The following TP63 variants were observed in gnomAD, a reference collection of about 807,000 sequenced individuals.
TP63 encodes the protein tumor protein 63.
Under a neutral mutation model 82.8 loss-of-function variants are expected in TP63, and 17 were observed. That is an observed-to-expected ratio of 0.21 (90% CI 0.14 to 0.31). TP63 has a LOEUF of 0.31. TP63 is among the 10% of genes least tolerant of loss of function. The pLI is 1.00. For missense variants in TP63, 648 were observed against 895.3 expected (o/e 0.72, Z 3.52); for synonymous variants, 330 against 321.7 (o/e 1.03, Z -0.28).
intron 1 of TP63, among the ~76,000 whole-genome samples, chr3:189,672,743 A>G (rs1201845938): frequency 6.6e-6 from 1 of 152,002 alleles, no homozygotes; most frequent in Non-Finnish European, 1.5e-5. Context: ...AAAGAAGAAG[A>G]GATTAAGACC....
At chr3:189,734,812 C>G (rs1207703059) in intron 1 of TP63, among the ~76,000 whole-genome samples, 1 of 152,156 alleles carries the variant, frequency 6.6e-6, no homozygotes, top group South Asian at 2.1e-4. Context: ...TCCTCTCTAC[C>G]TATGCCTTGA....
chr3:189,767,500 G>A (rs912858554), intron 3 of TP63, among the ~76,000 whole-genome samples: 3 of 152,126 alleles, frequency 2.0e-5, no homozygotes, highest in Admixed American at 2.0e-4. Flanking sequence ...AAATCTGAAT[G>A]GCCAAGAATG....
At chr3:189,843,363 G>T (rs528612828) in intron 4 of TP63, among the ~76,000 whole-genome samples, 1 of 152,200 alleles carries the variant, frequency 6.6e-6, no homozygotes, top group Non-Finnish European at 1.5e-5. Context: ...TGTGGGCGCG[G>T]CCCGGGAAGA....
At chr3:189,705,796 A>G (rs754693192) in intron 1 of TP63, among the ~76,000 whole-genome samples, 4 of 152,208 alleles carry the variant, frequency 2.6e-5, no homozygotes, top group Non-Finnish European at 5.9e-5. Flanking sequence ...AAAGGTAGAA[A>G]GGAACACTGG....
chr3:189,743,502 A>AC (rs1721147911), intron 3 of TP63, among the ~76,000 whole-genome samples: 1 of 141,424 alleles, frequency 7.1e-6, no homozygotes, highest in African/African-American at 2.6e-5. Context: ...CTACAAACAC[A>AC]AACACACACA....
intron 3 of TP63, among the ~76,000 whole-genome samples, chr3:189,783,607 G>C (rs1451095524): frequency 6.6e-6 from 1 of 151,768 alleles, no homozygotes; most frequent in Non-Finnish European, 1.5e-5. Context: ...TATGTTAAAG[G>C]TTTAAACCTT....
intron 1 of TP63, among the ~76,000 whole-genome samples, chr3:189,707,903 T>C (rs1161891001): frequency 6.6e-6 from 1 of 152,202 alleles, no homozygotes; most frequent in Non-Finnish European, 1.5e-5. Flanking sequence ...TATGTGGCAT[T>C]GTACATTGCG....
intron 3 of TP63, among the ~76,000 whole-genome samples, chr3:189,768,272 C>G (rs1408407080): frequency 6.6e-6 from 1 of 152,000 alleles, no homozygotes; most frequent in East Asian, 1.9e-4. Flanking sequence ...CTTTTCTTTA[C>G]TATTTACTTT....
At position 189,889,424 on chromosome 3, in the gene TP63, T is replaced by C; in HGVS notation, c.1592T>C (p.Met531Thr). The C allele has an allele frequency of 6.2e-7, 1 of 1,613,830 alleles. No individual in the cohort carries two copies. Among genetic ancestry groups the C allele is most frequent in the Non-Finnish European group, 8.5e-7 (1 of 1,179,862 alleles). The change falls in exon 12 of 14, where the codon ATG becomes ACG. Residue 531 changes from methionine to threonine, a missense_variant. Met to Thr is a moderately conservative substitution (Grantham distance 81). Coordinates refer to ENST00000264731, the MANE Select transcript of TP63 (RefSeq NM_003722.5). Reference protein sequence around the residue: ...PTQALPPPLSMPSTSHCTPPP... With the variant: ...PTQALPPPLSTPSTSHCTPPP... ...CAGGCACTCCCTCCCCCACTCTCCA[T>C]GCCATCCACCTCCCACTGCACACCC...
At chr3:189,876,337 C>T (rs763150734) in intron 10 of TP63, among the ~76,000 whole-genome samples, 4 of 152,052 alleles carry the variant, frequency 2.6e-5, no homozygotes, top group Non-Finnish European at 4.4e-5. Flanking sequence ...ATTGTCTGAC[C>T]GGCTCACATT....
intron 13 of TP63, among the ~76,000 whole-genome samples, chr3:189,892,998 C>T (rs1009298903): frequency 1.2e-4 from 18 of 152,062 alleles, no homozygotes; most frequent in Non-Finnish European, 2.4e-4. Flanking sequence ...CTTCTTCCTG[C>T]GTATTTCTAG....
At chr3:189,725,044 A>G (rs1305505661) in intron 1 of TP63, among the ~76,000 whole-genome samples, 1 of 152,208 alleles carries the variant, frequency 6.6e-6, no homozygotes, top group Non-Finnish European at 1.5e-5. Context: ...ATAAATCCTT[A>G]TGATTTGTAT....
intron 3 of TP63, among the ~76,000 whole-genome samples, chr3:189,784,023 A>G (rs1724414960): frequency 6.6e-6 from 1 of 152,038 alleles, no homozygotes; most frequent in African/African-American, 2.4e-5. Context: ...GTTTATATAC[A>G]TAAACACGGG....
chr3:189,885,102 C>G lies in TP63; in HGVS notation c.1350-1292C>G, dbSNP rs370135380. On this transcript the variant is annotated intron_variant, in intron 10 of 13. Transcript: ENST00000264731. ...TTGTCTCCCCTCTAATGTAAATATG[C>G]CTGTGACAGGGAAAAGGTAAACAGG... is the stretch of plus-strand genomic sequence containing the variant. Among the ~76,000 whole-genome samples, 8 of 152,214 alleles carry G rather than the reference C, an allele frequency of 5.3e-5. No homozygotes were observed. In the East Asian group the frequency reaches 1.2e-3, roughly 22 times the overall value.
chr3:189,652,436 C>T (rs1426906291), intron 1 of TP63, among the ~76,000 whole-genome samples: 1 of 146,806 alleles, frequency 6.8e-6, no homozygotes, highest in Non-Finnish European at 1.5e-5. Context: ...GTGTATTTAC[C>T]CAATGCCTGT....
the TP63 span, among the ~76,000 whole-genome samples, chr3:189,610,123 T>C: frequency 1.3e-5 from 2 of 152,172 alleles, no homozygotes; most frequent in Non-Finnish European, 2.9e-5. Flanking sequence ...TCTCTAATGA[T>C]CAGTGATATT....
chr3:189,891,201 C>T (rs968514633), intron 13 of TP63, among the ~76,000 whole-genome samples: 4 of 152,166 alleles, frequency 2.6e-5, no homozygotes, highest in Non-Finnish European at 5.9e-5. Context: ...ATTAATACAA[C>T]TTTTTGAGTG....
intron 1 of TP63, among the ~76,000 whole-genome samples, chr3:189,635,463 C>T (rs1729716999): frequency 6.6e-6 from 1 of 152,064 alleles, no homozygotes; most frequent in Non-Finnish European, 1.5e-5. Context: ...GAAGCTGCCT[C>T]CTGATAATTG....
chr3:189,867,743 G>T, intron 6 of TP63, 90 bp from the exon 7 acceptor site: 1 of 1,192,152 alleles, frequency 8.4e-7, no homozygotes. Context: ...TTCATCAGAA[G>T]TGGAATTCCT....
Sources: gnomAD v4.1 joint callset for allele counts (sites outside exome capture counted in the v4.1 genomes callset) on GRCh38, gnomAD v4.1.1 for gene constraint, MANE v1.5 for transcripts, NCBI Gene and HGNC (gene_info 2026-07-23, HGNC 2026-07-21) for gene names.